The following ERBB4 variants were observed in gnomAD, a reference collection of about 807,000 sequenced individuals.
ERBB4 encodes the protein receptor tyrosine-protein kinase erbB-4.
A neutral mutation model predicts 158.0 loss-of-function variants in ERBB4; 42 were observed. That is an observed-to-expected ratio of 0.27 (90% CI 0.21 to 0.34). ERBB4 has a LOEUF of 0.34. ERBB4 is among the 10% of genes least tolerant of loss of function. ERBB4 has a pLI of 1.00. For synonymous variants in ERBB4, 583 were observed against 558.7 expected (o/e 1.04, Z -0.61); for missense variants, 1,333 against 1,624.1 (o/e 0.82, Z 3.08).
At chr2:211,985,446 C>T (rs1359136071) in intron 2 of ERBB4, among the ~76,000 whole-genome samples, 1 of 152,114 alleles carries the variant, frequency 6.6e-6, no homozygotes, top group Non-Finnish European at 1.5e-5. Context: ...CCTAAGATTG[C>T]TTTCTAGAAC....
At chr2:211,953,887 A>C (rs533385511) in intron 2 of ERBB4, among the ~76,000 whole-genome samples, 2 of 152,186 alleles carry the variant, frequency 1.3e-5, no homozygotes, top group South Asian at 4.1e-4. Context: ...AATGACAACA[A>C]ATTTTATAAG....
At chr2:212,222,817 A>G (rs2083340372) in intron 1 of ERBB4, among the ~76,000 whole-genome samples, 1 of 151,600 alleles carries the variant, frequency 6.6e-6, no homozygotes, top group Non-Finnish European at 1.5e-5. Flanking sequence ...TTTACCCCAT[A>G]CATACCAGAC....
chr2:212,357,472 G>A (rs2089507317), intron 1 of ERBB4, among the ~76,000 whole-genome samples: 1 of 151,642 alleles, frequency 6.6e-6, no homozygotes, highest in Admixed American at 6.6e-5. Context: ...GGTAAATTAT[G>A]GTAAATAGGC....
At chr2:211,894,658 G>A (rs2079055393) in intron 3 of ERBB4, among the ~76,000 whole-genome samples, 1 of 152,090 alleles carries the variant, frequency 6.6e-6, no homozygotes, top group Non-Finnish European at 1.5e-5. Context: ...TGAGTCTTTT[G>A]GCATGACTGA....
At chr2:211,835,854 A>G (rs1443829435) in intron 3 of ERBB4, among the ~76,000 whole-genome samples, 1 of 152,196 alleles carries the variant, frequency 6.6e-6, no homozygotes, top group Middle Eastern at 3.4e-3. Flanking sequence ...TGCAAAACCA[A>G]GGGGAACCTG....
chr2:212,351,393 A>T (rs1237844393), intron 1 of ERBB4, among the ~76,000 whole-genome samples: 6 of 152,180 alleles, frequency 3.9e-5, no homozygotes, highest in Non-Finnish European at 8.8e-5. Context: ...TGGTTAAGCT[A>T]CCCAGCTGTT....
intron 1 of ERBB4, among the ~76,000 whole-genome samples, chr2:212,504,234 C>T (rs754270584): frequency 6.6e-5 from 10 of 152,102 alleles, no homozygotes; most frequent in Non-Finnish European, 1.2e-4. Context: ...GCTATTAAAT[C>T]TTATTTTTAG....
At chr2:211,446,232 G>A (rs2064109410) in intron 20 of ERBB4, among the ~76,000 whole-genome samples, 1 of 152,020 alleles carries the variant, frequency 6.6e-6, no homozygotes, top group Non-Finnish European at 1.5e-5. Context: ...ATAAGATCAG[G>A]GTAAAGATTG....
chr2:211,939,352 T>C (rs187513666), intron 3 of ERBB4, among the ~76,000 whole-genome samples: 48 of 151,980 alleles, frequency 3.2e-4, no homozygotes, highest in African/African-American at 1.1e-3. Context: ...AATAAAGATA[T>C]CTGCCAGGTC....
chr2:212,229,868 C>T (rs979077761), intron 1 of ERBB4, among the ~76,000 whole-genome samples: 9 of 151,992 alleles, frequency 5.9e-5, no homozygotes, highest in Non-Finnish European at 7.4e-5. Context: ...CTTTGGATGG[C>T]GGTCCTATTA....
At chr2:211,924,749 G>A (rs537174319) in intron 3 of ERBB4, among the ~76,000 whole-genome samples, 4 of 152,172 alleles carry the variant, frequency 2.6e-5, no homozygotes, top group South Asian at 2.1e-4. Flanking sequence ...TAAGAGTCAC[G>A]TATTTATACC....
At chr2:211,416,813 C>T (rs975970866) in intron 25 of ERBB4, among the ~76,000 whole-genome samples, 6 of 142,142 alleles carry the variant, frequency 4.2e-5, no homozygotes, top group African/African-American at 1.5e-4. Context: ...GAAGCCTTCC[C>T]TTTTTTTTTT....
intron 1 of ERBB4, among the ~76,000 whole-genome samples, chr2:212,227,540 A>C (rs1039293647): frequency 6.6e-6 from 1 of 152,174 alleles, no homozygotes; most frequent in African/African-American, 2.4e-5. Flanking sequence ...TAGTTACTTT[A>C]TATATTGAGA....
chr2:212,492,082 C>T lies in ERBB4; in HGVS notation c.82+46367G>A, dbSNP rs1037516365. Among the ~76,000 whole-genome samples the T allele has an allele frequency of 4.6e-5, 7 of 151,314 alleles. No individual in the cohort carries two copies. In the East Asian group the frequency reaches 5.8e-4, roughly 13 times the overall value. On this transcript the variant is annotated intron_variant, in intron 1 of 27. Coordinates refer to ENST00000342788, the MANE Select transcript of ERBB4 (RefSeq NM_005235.3). ...ATTCAGTAGCAGAGAACAAAAATAACGTAAATTTGGTGGAATCAGAAAATA... is the reference window on the plus strand; with the variant it reads ...ATTCAGTAGCAGAGAACAAAAATAATGTAAATTTGGTGGAATCAGAAAATA...
intron 20 of ERBB4, among the ~76,000 whole-genome samples, chr2:211,515,938 G>T (rs187802825): frequency 2.2e-5 from 2 of 89,092 alleles, no homozygotes; most frequent in African/African-American, 9.3e-5. Flanking sequence ...TTTTTGAGGC[G>T]GAGTCTTGCT....
chr2:211,957,220 G>A (rs1289400913), intron 2 of ERBB4, among the ~76,000 whole-genome samples: 2 of 151,974 alleles, frequency 1.3e-5, no homozygotes, highest in Non-Finnish European at 2.9e-5. Flanking sequence ...GAGGTAATTA[G>A]GCTAAATTGA....
intron 1 of ERBB4, among the ~76,000 whole-genome samples, chr2:212,376,870 A>G (rs959465322): frequency 5.9e-5 from 9 of 151,980 alleles, no homozygotes; most frequent in African/African-American, 2.2e-4. Context: ...GTCCCTTCCC[A>G]TATGTTCAAA....
intron 2 of ERBB4, among the ~76,000 whole-genome samples, chr2:212,051,964 G>A (rs1411412163): frequency 2.0e-5 from 3 of 152,128 alleles, no homozygotes; most frequent in African/African-American, 7.2e-5. Context: ...TTTTGTGATG[G>A]TTAATATTGA....
At chr2:212,205,587 T>C (rs2082722527) in intron 1 of ERBB4, among the ~76,000 whole-genome samples, 1 of 152,186 alleles carries the variant, frequency 6.6e-6, no homozygotes. Flanking sequence ...TTCCAAAAAA[T>C]CCTCAAATAT....
Sources: allele counts gnomAD v4.1 joint callset (sites outside exome capture counted in the v4.1 genomes callset), GRCh38; gene constraint gnomAD v4.1.1; transcripts MANE v1.5; gene names NCBI Gene and HGNC (gene_info 2026-07-23, HGNC 2026-07-21).